Variants in PAK5 observed in about 807,000 individuals in gnomAD.
The protein encoded by PAK5 is serine/threonine-protein kinase PAK 5.
A neutral mutation model predicts 65.9 loss-of-function variants in PAK5; 16 were observed. That is an observed-to-expected ratio of 0.24 (90% CI 0.16 to 0.37). The LOEUF is 0.37. Ranked by LOEUF, PAK5 falls within the 10% of genes least tolerant of loss-of-function variation. PAK5 has a pLI of 1.00. For synonymous variants in PAK5, 371 were observed against 354.9 expected (o/e 1.05, Z -0.51); for missense variants, 785 against 903.9 (o/e 0.87, Z 1.69).
At chr20:9,583,947 CT>C (rs5840323) in intron 3 of PAK5, among the ~76,000 whole-genome samples, 4 of 152,068 alleles carry the variant, frequency 2.6e-5, no homozygotes, top group African/African-American at 4.8e-5. Flanking sequence ...ATATCCTAGT[CT>C]TTTTTTTGCC....
intron 1 of PAK5, among the ~76,000 whole-genome samples, chr20:9,734,201 A>G (rs1216006700): frequency 1.3e-5 from 2 of 152,210 alleles, no homozygotes; most frequent in African/African-American, 4.8e-5. Flanking sequence ...AGCTTTCTGT[A>G]TTAGGAAAGT....
chr20:9,621,073 A>G (rs1281391875), intron 3 of PAK5, among the ~76,000 whole-genome samples: 1 of 152,008 alleles, frequency 6.6e-6, no homozygotes, highest in African/African-American at 2.4e-5. Flanking sequence ...AAAAAGCAAC[A>G]AGAGCATCTC....
At chr20:9,701,092 C>G (rs574428087) in intron 2 of PAK5, among the ~76,000 whole-genome samples, 1 of 152,244 alleles carries the variant, frequency 6.6e-6, no homozygotes, top group South Asian at 2.1e-4. Context: ...CCTACTTTGC[C>G]TTACACCGTG....
intron 5 of PAK5, among the ~76,000 whole-genome samples, chr20:9,564,493 C>T (rs1324912063): frequency 2.6e-5 from 4 of 152,088 alleles, no homozygotes; most frequent in Non-Finnish European, 5.9e-5. Flanking sequence ...AATAAAAGTG[C>T]TAATGAAAAC....
At chr20:9,737,938 C>T (rs879629004) in intron 1 of PAK5, among the ~76,000 whole-genome samples, 2 of 151,966 alleles carry the variant, frequency 1.3e-5, no homozygotes, top group Non-Finnish European at 2.9e-5. Flanking sequence ...GTCAAGAGAT[C>T]GAGACCACCC....
intron 2 of PAK5, among the ~76,000 whole-genome samples, chr20:9,649,300 T>G (rs560457369): frequency 6.6e-6 from 1 of 152,352 alleles, no homozygotes; most frequent in Admixed American, 6.5e-5. Flanking sequence ...TATGCTAATA[T>G]TAGTTTAGTT....
chr20:9,675,631 C>A (rs2047559773), intron 2 of PAK5, among the ~76,000 whole-genome samples: 2 of 152,140 alleles, frequency 1.3e-5, no homozygotes, highest in African/African-American at 2.4e-5. Flanking sequence ...GTGCATGGCA[C>A]CATACCCAGC....
chr20:9,644,123 A>T lies in PAK5; in HGVS notation c.204+2T>A. 1 of 1,612,274 alleles carries T rather than the reference A, an allele frequency of 6.2e-7. No individual in the cohort carries two copies. The highest frequency in any genetic ancestry group is 8.5e-7 in the Non-Finnish European group (1 of 1,178,348). ...CAGCCAAAGATGGAGCCCTCACCATACCTTCATAGGAGCCAGCTGGATGGG... is the reference window on the plus strand; with the variant it reads ...CAGCCAAAGATGGAGCCCTCACCATTCCTTCATAGGAGCCAGCTGGATGGG... On this transcript the variant is annotated splice_donor_variant, in intron 3 of 9. Transcript: ENST00000353224. LOFTEE classifies it high-confidence loss of function.
At chr20:9,676,769 G>A (rs2047578273) in intron 2 of PAK5, among the ~76,000 whole-genome samples, 1 of 152,144 alleles carries the variant, frequency 6.6e-6, no homozygotes, top group South Asian at 2.1e-4. Flanking sequence ...CTTGATTGGT[G>A]ATAATTCAAT....
rs149601451 is a variant in PAK5 at position 9,787,593 on chromosome 20, G to A, written c.-162+51169C>T. On this transcript the variant is annotated intron_variant, in intron 1 of 9. Transcript: ENST00000353224. Reference sequence around the variant, plus strand: ...TCATCTATAAAATAGAAAAACTGACGCTTACTCTGCATGGCTATGAAAAGG... The same window carrying A: ...TCATCTATAAAATAGAAAAACTGACACTTACTCTGCATGGCTATGAAAAGG... 6.5e-3 allele frequency among the ~76,000 whole-genome samples: 978 copies of A among 150,714 alleles called. 8 individuals are homozygous for A. Among genetic ancestry groups the A allele is most frequent in the African/African-American group, 0.023 (928 of 40,984 alleles).
chr20:9,698,395 T>G (rs2047896938), intron 2 of PAK5, among the ~76,000 whole-genome samples: 1 of 152,196 alleles, frequency 6.6e-6, no homozygotes, highest in African/African-American at 2.4e-5. Flanking sequence ...CTTTCTATTG[T>G]AACTGTATAG....
At chr20:9,684,917 G>C (rs568645185) in intron 2 of PAK5, among the ~76,000 whole-genome samples, 12 of 152,274 alleles carry the variant, frequency 7.9e-5, no homozygotes, top group African/African-American at 2.6e-4. Flanking sequence ...CTCAGAGGAG[G>C]CTGCTGTATA....
At chr20:9,599,484 C>T (rs2123099831) in intron 3 of PAK5, among the ~76,000 whole-genome samples, 1 of 152,326 alleles carries the variant, frequency 6.6e-6, no homozygotes, top group Admixed American at 6.5e-5. Context: ...CATGAGGATG[C>T]CAATGTCTCC....
intron 6 of PAK5, among the ~76,000 whole-genome samples, chr20:9,559,376 C>A (rs900873145): frequency 5.3e-5 from 8 of 152,112 alleles, no homozygotes; most frequent in African/African-American, 1.9e-4. Flanking sequence ...TTTGAATTTT[C>A]ATTTCAGTTT....
intron 8 of PAK5, among the ~76,000 whole-genome samples, 174 bp from the exon 9 acceptor site, chr20:9,542,894 C>A (rs189994974): frequency 1.6e-4 from 24 of 152,316 alleles, no homozygotes; most frequent in Middle Eastern, 3.4e-3. Context: ...TGCTAACAGT[C>A]TTTGCCTTTT....
intron 2 of PAK5, among the ~76,000 whole-genome samples, chr20:9,672,660 A>G (rs1373329758): frequency 6.6e-6 from 1 of 152,094 alleles, no homozygotes; most frequent in African/African-American, 2.4e-5. Flanking sequence ...TGCCCTTACA[A>G]ATTACCCAGT....
At chr20:9,647,980 T>C (rs1465751190) in intron 2 of PAK5, among the ~76,000 whole-genome samples, 2 of 152,170 alleles carry the variant, frequency 1.3e-5, no homozygotes, top group African/African-American at 4.8e-5. Context: ...AGTAGGGAAG[T>C]GAAGATCTTC....
intron 1 of PAK5, among the ~76,000 whole-genome samples, chr20:9,785,157 G>A (rs770151909): frequency 3.9e-4 from 59 of 152,026 alleles, no homozygotes; most frequent in Admixed American, 2.0e-4. Context: ...TATGCTCATC[G>A]TAAGAATTCT....
At chr20:9,540,886 G>A (rs1393537703) in intron 9 of PAK5, among the ~76,000 whole-genome samples, 2 of 151,990 alleles carry the variant, frequency 1.3e-5, no homozygotes, top group Non-Finnish European at 2.9e-5. Flanking sequence ...ACAGGCACCC[G>A]CCACCATGCT....
Sources: gnomAD v4.1 joint callset for allele counts (sites outside exome capture counted in the v4.1 genomes callset) on GRCh38, gnomAD v4.1.1 for gene constraint, MANE v1.5 for transcripts, NCBI Gene and HGNC (gene_info 2026-07-23, HGNC 2026-07-21) for gene names.